Variants in ATP6V0A4 observed in about 807,000 individuals in gnomAD.
ATP6V0A4 encodes the protein ATPase H+ transporting V0 subunit a4.
In ATP6V0A4, 86 loss-of-function variants were observed where a neutral mutation model predicts 107.3. The observed-to-expected ratio is 0.80, with a 90% CI of 0.67 to 0.96. ATP6V0A4 has a LOEUF of 0.96. Ranked by LOEUF, ATP6V0A4 falls within the 40% of genes least tolerant of loss-of-function variation. ATP6V0A4 has a pLI of 0.00. For synonymous variants in ATP6V0A4, 353 were observed against 381.4 expected, an observed-to-expected ratio of 0.93 and a Z score of 0.87; for missense variants, 908 against 1,045.6, an observed-to-expected ratio of 0.87 and a Z score of 1.81.
At chr7:138,707,170 A>ATATATTATATAATATAT (rs1803431622) in intron 21 of ATP6V0A4, among the ~76,000 whole-genome samples, 4 of 72,700 alleles carry the variant, frequency 5.5e-5, no homozygotes, top group Non-Finnish European at 9.7e-5. Flanking sequence ...AATATATTAT[A>ATATATTATATAATATAT]TATATTATAT....
intron 14 of ATP6V0A4, among the ~76,000 whole-genome samples, chr7:138,741,047 G>A (rs1367699965): frequency 6.6e-6 from 1 of 152,054 alleles, no homozygotes; most frequent in African/African-American, 2.4e-5. Flanking sequence ...AGGAGGCTGT[G>A]GCAGAAGAAT....
intron 18 of ATP6V0A4, among the ~76,000 whole-genome samples, chr7:138,726,380 G>A (rs1804726446): frequency 6.6e-6 from 1 of 152,228 alleles, no homozygotes; most frequent in South Asian, 2.1e-4. Flanking sequence ...AAGTCAGAAG[G>A]GGAAACAGAA....
In ATP6V0A4 at chr7:138,718,201, G is replaced by GGTGTGT. The variant is rs745612469; in HGVS notation, c.2140-2326_2140-2321dup. Among the ~76,000 whole-genome samples, 251 of 45,526 alleles carry GGTGTGT rather than the reference G, an allele frequency of 5.5e-3. 44 individuals are homozygous for GGTGTGT. Among genetic ancestry groups the GGTGTGT allele is most frequent in the African/African-American group, 0.014 (100 of 7,250 alleles). 29.9% of individuals were successfully genotyped at this position (45,526 alleles called of 152,430 possible). A position where few individuals can be genotyped will look rare whatever the true frequency, so the allele number is the denominator to read the frequency against. On this transcript the variant is annotated intron_variant, in intron 19 of 21. Transcript: ENST00000310018. ...GGAGGGAGACGTCCAGGAAGGAATG[G>GGTGTGT]GTGTGTGTGTGTGTGTGTGTGTGTG...
rs1002813996 is a variant in ATP6V0A4 at position 138,758,899 on chromosome 7, C to T, written c.639+853G>A. Among the ~76,000 whole-genome samples, 18 of 150,600 alleles carry T rather than the reference C, an allele frequency of 1.2e-4. No homozygotes were observed. In the Middle Eastern group the frequency reaches 0.01, roughly 87 times the overall value. On this transcript the variant is annotated intron_variant, in intron 8 of 21. Coordinates refer to ENST00000310018, the MANE Select transcript of ATP6V0A4 (RefSeq NM_020632.3). ...GCAAGTAGCTGGCACTACAGGTGTG[C>T]GCCACCACTCCTGGCTAATTTTTTT...
At chr7:138,711,169 A>G (rs894962833) in intron 20 of ATP6V0A4, among the ~76,000 whole-genome samples, 4 of 151,078 alleles carry the variant, frequency 2.6e-5, no homozygotes, top group African/African-American at 9.8e-5. Flanking sequence ...TTACATGCCC[A>G]TGGAGTCTCT....
intron 17 of ATP6V0A4, among the ~76,000 whole-genome samples, chr7:138,731,306 A>G (rs746998): frequency 0.12 from 17,651 of 152,138 alleles, 1,698 homozygotes; most frequent in African/African-American, 0.26. Context: ...GAGAAGGGGC[A>G]TGGCCGTAGA....
chr7:138,731,311 C>T (rs957798459), intron 17 of ATP6V0A4, among the ~76,000 whole-genome samples: 5 of 151,806 alleles, frequency 3.3e-5, no homozygotes, highest in East Asian at 3.9e-4. Flanking sequence ...GGGGCATGGC[C>T]GTAGAAGCAT....
chr7:138,756,390 G>C (rs1044796269), intron 9 of ATP6V0A4, 68 bp downstream of exon 9: 3 of 1,608,376 alleles, frequency 1.9e-6, no homozygotes, highest in Non-Finnish European at 2.5e-6. Flanking sequence ...TGTGCATTTG[G>C]CATTGCACAT....
intron 18 of ATP6V0A4, 101 bp downstream of exon 18, chr7:138,728,660 C>A: frequency 6.6e-7 from 1 of 1,513,292 alleles, no homozygotes. Context: ...ATTCTTCTGG[C>A]CCTGGCAGCC....
Position 138,786,526 on chromosome 7 carries a change from C to G in ATP6V0A4, c.-120-266G>C, listed in dbSNP as rs546977106. On this transcript the variant is annotated intron_variant, in intron 1 of 21. Coordinates refer to ENST00000310018, the MANE Select transcript of ATP6V0A4 (RefSeq NM_020632.3). Reference sequence around the variant, plus strand: ...CCAGGGAGGTCGACGCTGCAGTGAACGAAGATTGCACCACTGCACTCCAGC... The same window carrying G: ...CCAGGGAGGTCGACGCTGCAGTGAAGGAAGATTGCACCACTGCACTCCAGC... 2.0e-5 allele frequency among the ~76,000 whole-genome samples: 3 copies of G among 151,374 alleles called. No homozygotes were observed. The East Asian group carries it at 5.8e-4, about 29-fold the overall frequency.
Position 138,781,838 on chromosome 7 carries a change from TCTC to T in ATP6V0A4, c.-18+4317_-18+4319del, listed in dbSNP as rs750607283. ...TTAAAGAAATTTTTCTCTGTCTCTC[TCTC>T]TCTTTTTTTTTTTTTTTGTAGAGTT... is the stretch of plus-strand genomic sequence containing the variant. On this transcript the variant is annotated intron_variant, in intron 2 of 21. Coordinates refer to ENST00000310018, the MANE Select transcript of ATP6V0A4 (RefSeq NM_020632.3). 1.8e-3 allele frequency among the ~76,000 whole-genome samples: 224 copies of T among 121,592 alleles called. 15 individuals are homozygous for T. Among genetic ancestry groups the T allele is most frequent in the East Asian group, 2.8e-3 (13 of 4,590 alleles). The allele number at this position is 121,592 out of a possible 152,430, so 79.8% of individuals were successfully genotyped here.
rs184099231 is a variant in ATP6V0A4, at chr7:138,790,146, C to T, written c.-120-3886G>A. Reference sequence around the variant, plus strand: ...ACTAACATTTTGAGAGGATTCATTCCAAACATTTTTCATTGTATATGTGTA... The same window carrying T: ...ACTAACATTTTGAGAGGATTCATTCTAAACATTTTTCATTGTATATGTGTA... On this transcript the variant is annotated intron_variant, in intron 1 of 21. Transcript: ENST00000310018. Among the ~76,000 whole-genome samples, 95 of 151,826 alleles carry T rather than the reference C, an allele frequency of 6.3e-4. 2 individuals are homozygous for T. The East Asian group carries it at 0.016, about 26-fold the overall frequency.
At chr7:138,748,887 T>A (rs1245316048) in intron 12 of ATP6V0A4, among the ~76,000 whole-genome samples, 2 of 152,174 alleles carry the variant, frequency 1.3e-5, no homozygotes, top group Non-Finnish European at 2.9e-5. Flanking sequence ...GGCTGCCTGA[T>A]GAGGTTGCAG....
intron 19 of ATP6V0A4, among the ~76,000 whole-genome samples, chr7:138,721,153 G>A (rs575600761): frequency 6.6e-6 from 1 of 152,162 alleles, no homozygotes; most frequent in African/African-American, 2.4e-5. Context: ...GCTCCTGAGG[G>A]GCAGTGGCTG....
chr7:138,730,939 AT>A (rs71169052), intron 17 of ATP6V0A4, among the ~76,000 whole-genome samples: 6 of 135,728 alleles, frequency 4.4e-5, no homozygotes, highest in Admixed American at 7.9e-5. Flanking sequence ...TTCTTTTTTT[AT>A]TTTTTTTTTT....
chr7:138,778,919 A>G (rs537123257), intron 2 of ATP6V0A4, among the ~76,000 whole-genome samples: 1 of 152,254 alleles, frequency 6.6e-6, no homozygotes, highest in South Asian at 2.1e-4. Flanking sequence ...TCACATGCAG[A>G]GCAGTAATGA....
At chr7:138,722,744 C>CAA (rs71169049) in intron 18 of ATP6V0A4, among the ~76,000 whole-genome samples, 8,187 of 33,340 alleles carry the variant, frequency 0.25, 1,849 homozygotes, top group African/African-American at 0.35. Flanking sequence ...GACTCCATCT[C>CAA]AAAAAAAAAA....
intron 15 of ATP6V0A4, 118 bp downstream of exon 15, chr7:138,739,421 AT>A: frequency 1.5e-6 from 2 of 1,294,666 alleles, no homozygotes; most frequent in Non-Finnish European, 1.1e-6. Context: ...AGCAGAAGTT[AT>A]TTTATCTCAA....
At chr7:138,785,336 C>T (rs963085636) in intron 2 of ATP6V0A4, among the ~76,000 whole-genome samples, 4 of 144,782 alleles carry the variant, frequency 2.8e-5, no homozygotes, top group South Asian at 2.2e-4. Flanking sequence ...AGTGTAGTGT[C>T]GTGATCTCAG....
Sources: gnomAD v4.1 joint callset for allele counts (sites outside exome capture counted in the v4.1 genomes callset) on GRCh38, gnomAD v4.1.1 for gene constraint, MANE v1.5 for transcripts, NCBI Gene and HGNC (gene_info 2026-07-23, HGNC 2026-07-21) for gene names.